RAB31: variants seen among roughly 807,000 people sequenced by gnomAD.
RAB31 encodes RAB31, member RAS oncogene family.
Under a neutral mutation model 25.6 loss-of-function variants are expected in RAB31, and 21 were observed. The ratio of observed to expected loss-of-function variants is 0.82; its 90% CI spans 0.58 to 1.18. RAB31 has a LOEUF of 1.18. Among genes scored for constraint, RAB31 ranks in the 50% most tolerant of loss-of-function variants. RAB31 has a pLI of 0.00. For missense variants in RAB31, 196 were observed against 250.1 expected (o/e 0.78, Z 1.46); for synonymous variants, 87 against 84.0 (o/e 1.04, Z -0.20).
chr18:9,732,376 G>C (rs6506684), intron 1 of RAB31, among the ~76,000 whole-genome samples: 1 of 152,106 alleles, frequency 6.6e-6, no homozygotes, highest in Non-Finnish European at 1.5e-5. Context: ...CTGCAGCAGG[G>C]CAGGGCTGTA....
At chr18:9,752,025 C>T (rs1190981787) in intron 1 of RAB31, among the ~76,000 whole-genome samples, 3 of 152,198 alleles carry the variant, frequency 2.0e-5, no homozygotes, top group African/African-American at 7.2e-5. Context: ...TGGCTTAGCT[C>T]CTCTCTGCAA....
At chr18:9,814,902 G>T in intron 4 of RAB31, 2 of 384,930 alleles carry the variant, frequency 5.2e-6, no homozygotes, top group Non-Finnish European at 9.5e-6. Flanking sequence ...TTCTTAACTA[G>T]ATCAAGTTTT....
At chr18:9,839,057 A>G (rs908700214) in intron 5 of RAB31, among the ~76,000 whole-genome samples, 6 of 152,196 alleles carry the variant, frequency 3.9e-5, no homozygotes, top group African/African-American at 1.4e-4. Context: ...CTGGACATGA[A>G]AACAAAAGCC....
intron 6 of RAB31, chr18:9,849,475 C>T (rs544041109): frequency 2.6e-5 from 4 of 152,142 alleles, no homozygotes; most frequent in Non-Finnish European, 4.4e-5. Flanking sequence ...ACTCTTGATT[C>T]GTTTATTCAC....
In RAB31 at chr18:9,835,326, G is replaced by A. The variant is rs143728581; in HGVS notation, c.381-10256G>A. ...TGATCCGCTCAGAGGATTTGGAGCCGACAACTCTTTCCAGTGGTTCTTTCT... is the reference window on the plus strand; with the variant it reads ...TGATCCGCTCAGAGGATTTGGAGCCAACAACTCTTTCCAGTGGTTCTTTCT... On this transcript the variant is annotated intron_variant, in intron 5 of 6. Transcript: ENST00000578921. Among the ~76,000 whole-genome samples the A allele has an allele frequency of 2.3e-3, 349 of 151,576 alleles. 1 individual carries two copies. Among genetic ancestry groups the A allele is most frequent in the Non-Finnish European group, 2.4e-3 (164 of 68,018 alleles).
chr18:9,747,486 C>G lies in RAB31; in HGVS notation c.40-27792C>G, dbSNP rs912009819. Among the ~76,000 whole-genome samples, 35 of 152,118 alleles carry G rather than the reference C, an allele frequency of 2.3e-4. 1 individual carries two copies. Among genetic ancestry groups the G allele is most frequent in the Admixed American group, 1.3e-3 (20 of 15,264 alleles). ...CAAATGTCTATGATGAATGGATGAG[C>G]AAATTGTGATATAAACATACAATGA... On this transcript the variant is annotated intron_variant, in intron 1 of 6. Transcript: ENST00000578921.
At chr18:9,847,625 T>C (rs532326211) in intron 6 of RAB31, among the ~76,000 whole-genome samples, 1 of 152,198 alleles carries the variant, frequency 6.6e-6, no homozygotes, top group South Asian at 2.1e-4. Context: ...CAGGCTGGAG[T>C]GCAGTAGTGC....
intron 1 of RAB31, among the ~76,000 whole-genome samples, chr18:9,731,665 T>A (rs2068123540): frequency 6.7e-6 from 1 of 148,482 alleles, no homozygotes; most frequent in East Asian, 2.0e-4. Context: ...TGGTGTGATC[T>A]TGGCTCACTG....
intron 1 of RAB31, among the ~76,000 whole-genome samples, chr18:9,753,315 G>T (rs2068244730): frequency 6.6e-6 from 1 of 152,158 alleles, no homozygotes; most frequent in Admixed American, 6.5e-5. Context: ...TGACAGGAGT[G>T]GTATTAATGG....
rs1234767244 is a variant in RAB31, at chr18:9,861,248, G to A, written c.*1923G>A. On this transcript the variant is annotated 3_prime_UTR_variant, in exon 7 of 7. Coordinates refer to ENST00000578921, the MANE Select transcript of RAB31 (RefSeq NM_006868.4). ...ATAGCTGTTCAGGTTTTTTAGCTGAGGGGTAAGTATCCTAGCTGAGAGTTT... is the reference window on the plus strand; with the variant it reads ...ATAGCTGTTCAGGTTTTTTAGCTGAAGGGTAAGTATCCTAGCTGAGAGTTT... 1 of 152,166 alleles carries A rather than the reference G, an allele frequency of 6.6e-6. No individual in the cohort carries two copies. Among genetic ancestry groups the A allele is most frequent in the East Asian group, 1.9e-4 (1 of 5,194 alleles). The allele number at this position is 152,166 out of a possible 1,614,324, so 9.4% of individuals were successfully genotyped here. A position where few individuals can be genotyped will look rare whatever the true frequency, so the allele number is the denominator to read the frequency against.
intron 2 of RAB31, among the ~76,000 whole-genome samples, chr18:9,780,030 A>G (rs772182468): frequency 3.2e-4 from 49 of 151,994 alleles, no homozygotes; most frequent in Non-Finnish European, 5.9e-4. Context: ...ACAAAAATTA[A>G]CTGGGTGTAG....
intron 1 of RAB31, among the ~76,000 whole-genome samples, chr18:9,739,482 A>G (rs541165158): frequency 6.6e-6 from 1 of 152,242 alleles, no homozygotes; most frequent in East Asian, 1.9e-4. Flanking sequence ...AAAAAAAAGA[A>G]TTTGTAAGAA....
At chr18:9,804,666 G>A (rs2068530917) in intron 3 of RAB31, among the ~76,000 whole-genome samples, 2 of 152,300 alleles carry the variant, frequency 1.3e-5, no homozygotes, top group South Asian at 2.1e-4. Flanking sequence ...TAGGAAATTA[G>A]CAAATAGACT....
chr18:9,748,865 TG>T (rs761344116), intron 1 of RAB31, among the ~76,000 whole-genome samples: 6 of 151,446 alleles, frequency 4.0e-5, no homozygotes, highest in Non-Finnish European at 5.9e-5. Context: ...CACTCCAGCC[TG>T]GGCGACAGAG....
intron 5 of RAB31, among the ~76,000 whole-genome samples, chr18:9,836,834 G>C (rs12958556): frequency 0.039 from 3,924 of 100,206 alleles, no homozygotes; most frequent in Non-Finnish European, 0.055. Context: ...TGTGAGGAAC[G>C]GGGGGAAACA....
At chr18:9,765,234 G>A (rs1411723815) in intron 1 of RAB31, among the ~76,000 whole-genome samples, 1 of 152,210 alleles carries the variant, frequency 6.6e-6, no homozygotes, top group Non-Finnish European at 1.5e-5. Flanking sequence ...AATTACAGGT[G>A]CGAGCCACCA....
At chr18:9,786,571 G>C (rs1568178845) in intron 2 of RAB31, among the ~76,000 whole-genome samples, 1 of 152,194 alleles carries the variant, frequency 6.6e-6, no homozygotes, top group Non-Finnish European at 1.5e-5. Context: ...GTATCTCCAG[G>C]GAGAGAGTGT....
intron 2 of RAB31, among the ~76,000 whole-genome samples, chr18:9,776,252 C>T (rs1015885016): frequency 6.6e-6 from 1 of 152,182 alleles, no homozygotes; most frequent in African/African-American, 2.4e-5. Flanking sequence ...CTCTGCTGTT[C>T]GGGAAGTGCC....
At chr18:9,846,075 A>G (rs1166573406) in intron 6 of RAB31, among the ~76,000 whole-genome samples, 1 of 152,204 alleles carries the variant, frequency 6.6e-6, no homozygotes, top group Non-Finnish European at 1.5e-5. Flanking sequence ...AACTGAGGGA[A>G]CCTTCCAGTA....
Sources: allele counts gnomAD v4.1 joint callset (sites outside exome capture counted in the v4.1 genomes callset), GRCh38; gene constraint gnomAD v4.1.1; transcripts MANE v1.5; gene names NCBI Gene and HGNC (gene_info 2026-07-23, HGNC 2026-07-21).